Variants in EDA observed in about 807,000 individuals in gnomAD.
EDA encodes ectodysplasin-A.
EDA carries 2 observed loss-of-function variants against 23.6 expected under a neutral mutation model. The observed-to-expected ratio is 0.08, with a 90% CI of 0.03 to 0.27. The LOEUF is 0.27. Ranked by LOEUF, EDA falls within the 10% of genes least tolerant of loss-of-function variation. The pLI, the probability that EDA is intolerant of heterozygous loss-of-function variation, is 1.00. For synonymous variants in EDA, 131 were observed against 132.0 expected, an observed-to-expected ratio of 0.99 and a Z score of 0.05; for missense variants, 229 against 324.2, an observed-to-expected ratio of 0.71 and a Z score of 2.26.
At chrX:69,680,722 C>T (rs1463960263) in intron 1 of EDA, among the ~76,000 whole-genome samples, 1 of 88,248 alleles carries the variant, frequency 1.1e-5, no homozygotes, top group African/African-American at 4.5e-5. Flanking sequence ...TGTCTCTGCA[C>T]GTGAGATGGG....
intron 2 of EDA, among the ~76,000 whole-genome samples, chrX:69,997,289 T>C (rs1359124662): frequency 2.7e-5 from 3 of 111,816 alleles, no homozygotes; most frequent in Non-Finnish European, 5.6e-5. Context: ...TGTTGAGAAC[T>C]GGAGCAAAGG....
intron 1 of EDA, among the ~76,000 whole-genome samples, chrX:69,720,728 AT>A (rs1205416375): frequency 8.9e-6 from 1 of 112,173 alleles, no homozygotes; most frequent in African/African-American, 3.2e-5. Flanking sequence ...AATAATTTCT[AT>A]TTCTTTGCTG....
intron 1 of EDA, among the ~76,000 whole-genome samples, chrX:69,902,229 C>A (rs2018109394): frequency 9.0e-6 from 1 of 111,650 alleles, no homozygotes; most frequent in Non-Finnish European, 1.9e-5. Flanking sequence ...TGAGTGACAT[C>A]ATCTTTTCTT....
intron 1 of EDA, among the ~76,000 whole-genome samples, chrX:69,901,321 C>G (rs1602520726): frequency 8.9e-6 from 1 of 111,784 alleles, no homozygotes; most frequent in South Asian, 3.7e-4. Flanking sequence ...ACTGAAATAC[C>G]GTACTGTACT....
intron 1 of EDA, among the ~76,000 whole-genome samples, chrX:69,827,426 C>T (rs1159817690): frequency 4.9e-4 from 54 of 111,331 alleles, no homozygotes; most frequent in Non-Finnish European, 6.8e-4. Context: ...TCTAAACTTC[C>T]CTTCTCGCTT....
chrX:69,689,184 C>T (rs1017016219), intron 1 of EDA, among the ~76,000 whole-genome samples: 7 of 110,472 alleles, frequency 6.3e-5, no homozygotes, highest in African/African-American at 9.8e-5. Context: ...GAAATCAGGA[C>T]GTATGAGTCG....
chrX:69,725,890 G>A (rs1188651226), intron 1 of EDA, among the ~76,000 whole-genome samples: 1 of 112,457 alleles, frequency 8.9e-6, no homozygotes, highest in Non-Finnish European at 1.9e-5. Flanking sequence ...GAAAGGAGAT[G>A]TATTGAGGTG....
intron 1 of EDA, among the ~76,000 whole-genome samples, chrX:69,802,028 A>G (rs141225245): frequency 0.06 from 6,686 of 111,521 alleles, 204 homozygotes; most frequent in Middle Eastern, 0.088. Context: ...AGACTTTCTC[A>G]TGATAAGTCA....
chrX:69,790,340 T>A (rs1216329562), intron 1 of EDA, among the ~76,000 whole-genome samples: 1 of 108,890 alleles, frequency 9.2e-6, no homozygotes, highest in Non-Finnish European at 1.9e-5. Flanking sequence ...GGCAGAGGGG[T>A]GAAATTTGGA....
At chrX:69,660,640 C>T (rs1447153431) in intron 1 of EDA, among the ~76,000 whole-genome samples, 1 of 110,962 alleles carries the variant, frequency 9.0e-6, no homozygotes, top group Non-Finnish European at 1.9e-5. Context: ...TGGTTTCCAG[C>T]TTCATCCATG....
chrX:69,747,348 A>G (rs2013655412), intron 1 of EDA, among the ~76,000 whole-genome samples: 2 of 112,390 alleles, frequency 1.8e-5, no homozygotes, highest in Admixed American at 1.9e-4. Context: ...AAGCCCTGAA[A>G]TAAGAAGTGT....
At chrX:69,686,073 A>C (rs1174043565) in intron 1 of EDA, among the ~76,000 whole-genome samples, 1 of 112,149 alleles carries the variant, frequency 8.9e-6, no homozygotes, top group African/African-American at 3.2e-5. Context: ...CAGAGGCACG[A>C]ACTCGGCTCA....
intron 1 of EDA, among the ~76,000 whole-genome samples, chrX:69,927,674 T>C (rs1179848026): frequency 9.0e-6 from 1 of 111,175 alleles, no homozygotes. Flanking sequence ...CCCTCTGTAT[T>C]TCCTGAATTT....
intron 1 of EDA, among the ~76,000 whole-genome samples, chrX:69,664,666 T>TTGTG (rs35371760): frequency 0.03 from 3,070 of 103,986 alleles, 69 homozygotes; most frequent in African/African-American, 0.094. Context: ...TAATATTTCA[T>TTGTG]TGTGTGTGTG....
At chrX:69,932,715 A>G (rs144093022) in intron 1 of EDA, among the ~76,000 whole-genome samples, 31 of 111,945 alleles carry the variant, frequency 2.8e-4, no homozygotes, top group African/African-American at 8.1e-4. Flanking sequence ...TAATGCAGAC[A>G]ATGTTTCACT....
chrX:70,000,752 C>A (rs1309191730), intron 2 of EDA, among the ~76,000 whole-genome samples: 1 of 111,971 alleles, frequency 8.9e-6, no homozygotes, highest in African/African-American at 3.2e-5. Context: ...GTAATAGTAT[C>A]CCCATTTTAT....
At chrX:69,861,647 C>G (rs780265413) in intron 1 of EDA, among the ~76,000 whole-genome samples, 6 of 111,407 alleles carry the variant, frequency 5.4e-5, no homozygotes, top group Non-Finnish European at 7.5e-5. Context: ...AGACACTCAT[C>G]TAAAGCATAA....
intron 1 of EDA, among the ~76,000 whole-genome samples, chrX:69,846,833 G>T (rs1035043413): frequency 6.3e-5 from 7 of 111,606 alleles, no homozygotes; most frequent in Non-Finnish European, 1.1e-4. Context: ...GTACTAAAAG[G>T]GAATCTTGGT....
At chrX:69,799,721 C>G (rs1408693221) in intron 1 of EDA, among the ~76,000 whole-genome samples, 3 of 102,976 alleles carry the variant, frequency 2.9e-5, no homozygotes, top group Middle Eastern at 5.2e-3. Context: ...CCCACAGATG[C>G]TGGCAAGGAT....
Sources: allele counts gnomAD v4.1 joint callset (sites outside exome capture counted in the v4.1 genomes callset), GRCh38; gene constraint gnomAD v4.1.1; transcripts MANE v1.5; gene names NCBI Gene and HGNC (gene_info 2026-07-23, HGNC 2026-07-21).